Variants in TTN observed in about 807,000 individuals in gnomAD.
The protein encoded by TTN is titin.
A neutral mutation model predicts 3,223.0 loss-of-function variants in TTN; 1,525 were observed. That is an observed-to-expected ratio of 0.47 (90% CI 0.45 to 0.49). The LOEUF is 0.49. TTN is among the 20% of genes least tolerant of loss of function. The pLI is 0.00. For missense variants in TTN, 40,786 were observed against 43,424.0 expected (o/e 0.94, Z 5.40); for synonymous variants, 14,094 against 15,161.0 (o/e 0.93, Z 5.17).
Position 178,543,905 on chromosome 2 carries a change from G to A in TTN, c.96239C>T (p.Ala32080Val). The change falls in exon 346 of 363, where the codon GCT (alanine) becomes GTT (valine). Residue 32080 changes from alanine to valine, a missense_variant. Transcript: ENST00000589042. ...TTCAGCTTCAATTGTGTATTTTCCAGCATCGTACCGATTAACTTTGTCCAC... is the reference window on the plus strand; with the variant it reads ...TTCAGCTTCAATTGTGTATTTTCCAACATCGTACCGATTAACTTTGTCCAC... ...LIVDKVNRYD[A>V]GKYTIEAENQ... The A allele has an allele frequency of 6.2e-7, 1 of 1,613,524 alleles. No homozygotes were observed. The highest frequency in any genetic ancestry group is 1.3e-5 in the African/African-American group (1 of 74,946).
At chr2:178,639,657 C>A in intron 223 of TTN, 42 bp downstream of exon 223, 1 of 1,586,930 alleles carries the variant, frequency 6.3e-7, no homozygotes, top group South Asian at 1.1e-5. Flanking sequence ...TTTATTAAGT[C>A]ACCAAAACAA....
Position 178,637,396 on chromosome 2 carries a change from C to A in TTN, c.40900G>T (p.Ala13634Ser). The change falls in exon 224 of 363, where the codon GCT becomes TCT. Residue 13634 changes from alanine (A) to serine (S), a missense_variant. Coordinates refer to ENST00000589042, the MANE Select transcript of TTN (RefSeq NM_001267550.2). ...TTGATAGGACCTTTTGGCTTGGCAG[C>A]CTCTTCCTTAGGTGCTTTGGCTTCT... is the stretch of plus-strand genomic sequence containing the variant. ...KAEAKAPKEE[A>S]AKPKGPIKGV... is the part of the protein sequence containing the mutation. The A allele has an allele frequency of 2.0e-6, 3 of 1,474,720 alleles. No individual in the cohort carries two copies. Among genetic ancestry groups the A allele is most frequent in the East Asian group, 5.4e-5 (2 of 36,864 alleles). The allele number at this position is 1,474,720 out of a possible 1,614,324, so 91.4% of individuals were successfully genotyped here. A position where few individuals can be genotyped will look rare whatever the true frequency, so the allele number is the denominator to read the frequency against.
At position 178,624,729 on chromosome 2, in the gene TTN, G is replaced by T; in HGVS notation, c.44551C>A (p.Pro14851Thr). Residue 14851 changes from proline (P) to threonine (T), a missense_variant and splice_region_variant, in exon 242 of 363, where the codon CCC becomes ACC. Transcript: ENST00000589042. The stretch of plus-strand genomic sequence containing the variant: ...AGAGGCTTAGTGAATTCAACTGGGG[G>T]TTCTGAAAGAATCATACTCATTAGC... ...KTHANLFVKE[P>T]PVEFTKPLED... 2.5e-6 allele frequency: 4 copies of T among 1,611,854 alleles called. No individual in the cohort carries two copies. Among genetic ancestry groups the T allele is most frequent in the Non-Finnish European group, 3.4e-6 (4 of 1,178,784 alleles).
At position 178,584,333 on chromosome 2, in the gene TTN, C is replaced by T. The variant is rs2048460520; in HGVS notation, c.65218G>A (p.Ala21740Thr). Reference sequence around the variant, plus strand: ...GGTTTGCTGGGTGGGCTGGATCCAGCTTTGTTTAGGGCATAGATTCTGAAT... The same window carrying T: ...GGTTTGCTGGGTGGGCTGGATCCAGTTTTGTTTAGGGCATAGATTCTGAAT... ...YSFRIYALNK[A>T]GSSPPSKPTE... The change falls in exon 311 of 363, where the codon GCT becomes ACT. Residue 21740 changes from alanine (A) to threonine (T), a missense_variant. Coordinates refer to ENST00000589042, the MANE Select transcript of TTN (RefSeq NM_001267550.2). 5 of 1,606,620 alleles carry T rather than the reference C, an allele frequency of 3.1e-6. No homozygotes were observed. Among genetic ancestry groups the T allele is most frequent in the Non-Finnish European group, 3.4e-6 (4 of 1,174,444 alleles).
Position 178,592,194 on chromosome 2 carries a change from C to T in TTN, c.59710G>A (p.Asp19904Asn), listed in dbSNP as rs762301068. 14 of 1,612,130 alleles carry T rather than the reference C, an allele frequency of 8.7e-6. No homozygotes were observed. The highest frequency in any genetic ancestry group is 1.2e-5 in the Non-Finnish European group (14 of 1,179,096). The change falls in exon 302 of 363, where the codon GAT becomes AAT. Residue 19904 changes from aspartate (D) to asparagine (N), a missense_variant. By Grantham distance (23) the Asp-to-Asn change is conservative. Transcript: ENST00000589042. ...TAATTGGTAATAACAGAACCACCATCATCCAGTGGTTCTTTCCAAGTAAGG... is the reference window on the plus strand; with the variant it reads ...TAATTGGTAATAACAGAACCACCATTATCCAGTGGTTCTTTCCAAGTAAGG... ...CYLTWKEPLD[D>N]GGSVITNYVV...
chr2:178,798,790 G>A (rs2093900797), intron 6 of TTN: 1 of 152,274 alleles, frequency 6.6e-6, no homozygotes, highest in Non-Finnish European at 1.5e-5. Context: ...TAGAGGAAGT[G>A]ATCCATATAT....
rs397517768 is a variant in TTN, at chr2:178,542,471, C to T, written c.97285G>A (p.Gly32429Ser). 17 of 1,613,606 alleles carry T rather than the reference C, an allele frequency of 1.1e-5. No individual in the cohort carries two copies. The Admixed American group carries it at 2.3e-4, about 22-fold the overall frequency. ...ISWEPPELDG[G>S]APLSGYVVEQ... ...ACCACATAACCACTCAGTGGAGCACCACCGTCCAATTCAGGTGGTTCCCAG... is the reference window on the plus strand; with the variant it reads ...ACCACATAACCACTCAGTGGAGCACTACCGTCCAATTCAGGTGGTTCCCAG... Residue 32429 changes from glycine to serine, a missense_variant, in exon 349 of 363, where the codon GGT (glycine) becomes AGT (serine). Coordinates refer to ENST00000589042, the MANE Select transcript of TTN (RefSeq NM_001267550.2).
At position 178,547,637 on chromosome 2, in the gene TTN, C is replaced by G. The variant is rs879156764; in HGVS notation, c.93989G>C (p.Trp31330Ser). The G allele has an allele frequency of 6.2e-7, 1 of 1,613,748 alleles. No homozygotes were observed. Among genetic ancestry groups the G allele is most frequent in the African/African-American group, 1.3e-5 (1 of 74,914 alleles). Residue 31330 changes from tryptophan (W) to serine (S), a missense_variant, in exon 339 of 363, where the codon TGG becomes TCG. By Grantham distance (177) the Trp-to-Ser change is radical. Coordinates refer to ENST00000589042, the MANE Select transcript of TTN (RefSeq NM_001267550.2). ...GCCTCCTCCATCTTTAGGTTCTCCC[C>G]ATGACAGGACACACGATTCAGCTGA... The part of the protein sequence containing the change: ...SVSAESCVLS[W>S]GEPKDGGGTE...
rs1227910087 is a variant in TTN at position 178,552,652 on chromosome 2, C to CTTA, written c.90245_90247dup (p.Ile30082dup). On this transcript the variant is annotated inframe_insertion, in exon 335 of 363. Transcript: ENST00000589042. Reference sequence around the variant, plus strand: ...GCTAACCTCAATTTCACATGTCTTACTTATGCCAGCGTGGGACCACGTCTG... The same window carrying CTTA: ...GCTAACCTCAATTTCACATGTCTTACTTATTATGCCAGCGTGGGACCACGTCTG... The CTTA allele has an allele frequency of 1.2e-6, 2 of 1,613,848 alleles. No homozygotes were observed. Among genetic ancestry groups the CTTA allele is most frequent in the Admixed American group, 3.3e-5 (2 of 59,996 alleles).
rs765145227 is a variant in TTN at position 178,557,744 on chromosome 2, T to G, written c.87610A>C (p.Thr29204Pro). 6.2e-7 allele frequency: 1 copy of G among 1,613,870 alleles called. No homozygotes were observed. Among genetic ancestry groups the G allele is most frequent in the Non-Finnish European group, 8.5e-7 (1 of 1,179,858 alleles). ...RTMMKVMKLT[T>P]GEEYQFRIKA... Reference sequence around the variant, plus strand: ...ATGCGGAATTGGTATTCTTCTCCTGTGGTCAGTTTCATGACTTTCATCATG... The same window carrying G: ...ATGCGGAATTGGTATTCTTCTCCTGGGGTCAGTTTCATGACTTTCATCATG... Residue 29204 changes from threonine (T) to proline (P), a missense_variant, in exon 328 of 363, where the codon ACA becomes CCA. Transcript: ENST00000589042.
In TTN at chr2:178,764,633, G is replaced by A; in HGVS notation, c.9882C>T (p.Tyr3294=). The A allele has an allele frequency of 6.2e-7, 1 of 1,614,096 alleles. No homozygotes were observed. The change falls in exon 42 of 363, where the codon TAC becomes TAT. Residue 3294 remains tyrosine (Y), a synonymous_variant. Transcript: ENST00000589042. ...KCKFLHDGQE[Y]TLLLIEAFPE... ...GGAAGGCTTCAATTAGCAAAAGCGT[G>A]TATTCTTGCCCATCATGAAGAAATT...
chr2:178,786,947 T>C (rs1246420589), intron 13 of TTN, among the ~76,000 whole-genome samples: 1 of 152,182 alleles, frequency 6.6e-6, no homozygotes, highest in Non-Finnish European at 1.5e-5. Context: ...GAAATACAAT[T>C]TGCAGAGGAG....
chr2:178,587,212 C>G lies in TTN; in HGVS notation c.63999G>C (p.Gly21333=). 4.3e-6 allele frequency: 7 copies of G among 1,613,228 alleles called. No individual in the cohort carries two copies. Among genetic ancestry groups the G allele is most frequent in the Non-Finnish European group, 5.9e-6 (7 of 1,179,466 alleles). The change falls in exon 307 of 363, where the codon GGG becomes GGC. Residue 21333 remains glycine, a synonymous_variant. Transcript: ENST00000589042. ...TSFHVTNLVP[G]NEYYFRVTAV... is the part of the protein sequence containing the mutation. ...CAGTTACTCTGAAGTAATACTCATT[C>G]CCAGGGACAAGATTGGTTACATGGA...
chr2:178,733,913 T>C (rs762516284), intron 52 of TTN, 21 bp from the exon 53 acceptor site: 18 of 1,549,080 alleles, frequency 1.2e-5, no homozygotes, highest in Non-Finnish European at 2.6e-6. Context: ...AAAGAGAGCA[T>C]ATAAAACATA....
chr2:178,533,624 A>C lies in TTN; in HGVS notation c.102991T>G (p.Tyr34331Asp). 6.2e-7 allele frequency: 1 copy of C among 1,613,984 alleles called. No homozygotes were observed. Among genetic ancestry groups the C allele is most frequent in the Non-Finnish European group, 8.5e-7 (1 of 1,179,882 alleles). ...TATTTGTTCCTTGCCACAACAGTATATTCAGCGTCATCATCTGTAGTGACA... is the reference window on the plus strand; with the variant it reads ...TATTTGTTCCTTGCCACAACAGTATCTTCAGCGTCATCATCTGTAGTGACA... ...NSVTTDDDAE[Y>D]TVVARNKYGE... Residue 34331 changes from tyrosine to aspartate, a missense_variant, in exon 358 of 363, where the codon TAT (tyrosine) becomes GAT (aspartate). Transcript: ENST00000589042.
chr2:178,692,423 T>C, intron 120 of TTN, 74 bp downstream of exon 120: 1 of 1,318,286 alleles, frequency 7.6e-7, no homozygotes, highest in Non-Finnish European at 1.1e-6. Context: ...TGCTATTTTG[T>C]TAATACACAG....
In TTN at chr2:178,663,228, T is replaced by G. The variant is rs777222249; in HGVS notation, c.36700+38A>C. ...TGTAATTTCCTAGTTAAAATAACAG[T>G]TATTTTTCTCCTATAGTTTGTATAG... is the stretch of plus-strand genomic sequence containing the variant. On this transcript the variant is annotated intron_variant, in intron 173 of 362. Coordinates refer to ENST00000589042, the MANE Select transcript of TTN (RefSeq NM_001267550.2). 7 of 1,505,716 alleles carry G rather than the reference T, an allele frequency of 4.6e-6. No individual in the cohort carries two copies. In the South Asian group the frequency reaches 9.2e-5, roughly 20 times the overall value. The allele number at this position is 1,505,716 out of a possible 1,614,324, so 93.3% of individuals were successfully genotyped here. A position where few individuals can be genotyped will look rare whatever the true frequency, so the allele number is the denominator to read the frequency against.
Position 178,604,980 on chromosome 2 carries a change from C to CACTT in TTN, c.54190+3_54190+6dup, listed in dbSNP as rs1174899898. ...GCCTTTTTGATGTAAGAAAGCAAGT[C>CACTT]ACTTACCATATACTTCAACGTGAAC... On this transcript the variant is annotated splice_region_variant and intron_variant, in intron 280 of 362. Coordinates refer to ENST00000589042, the MANE Select transcript of TTN (RefSeq NM_001267550.2). 6.3e-7 allele frequency: 1 copy of CACTT among 1,589,876 alleles called. No individual in the cohort carries two copies. The highest frequency in any genetic ancestry group is 1.3e-5 in the African/African-American group (1 of 74,140).
At chr2:178,598,305 A>C (rs1391577399) in intron 292 of TTN, among the ~76,000 whole-genome samples, 1 of 152,128 alleles carries the variant, frequency 6.6e-6, no homozygotes, top group African/African-American at 2.4e-5. Flanking sequence ...CAGGGTTTAT[A>C]ACCAAAAGAT....
Sources: allele counts gnomAD v4.1 joint callset (sites outside exome capture counted in the v4.1 genomes callset), GRCh38; gene constraint gnomAD v4.1.1; transcripts MANE v1.5; gene names NCBI Gene and HGNC (gene_info 2026-07-23, HGNC 2026-07-21).